The following CMAS variants were observed in gnomAD, a reference collection of about 807,000 sequenced individuals.
CMAS encodes cytidine monophosphate N-acetylneuraminic acid synthetase.
CMAS carries 21 observed loss-of-function variants against 53.4 expected under a neutral mutation model. The ratio of observed to expected loss-of-function variants is 0.39; its 90% CI spans 0.28 to 0.57. The LOEUF is 0.57. Among genes scored for constraint, CMAS ranks in the 20% least tolerant of loss-of-function variants. The probability of loss-of-function intolerance (pLI) is 0.56; values close to 1 mark genes in which losing one functional copy is unlikely to be tolerated. For synonymous variants in CMAS, 189 were observed against 195.2 expected, an observed-to-expected ratio of 0.97 and a Z score of 0.27; for missense variants, 384 against 534.9, an observed-to-expected ratio of 0.72 and a Z score of 2.78.
chr12:22,046,853 C>T (rs1392481287), intron 1 of CMAS, among the ~76,000 whole-genome samples: 1 of 152,198 alleles, frequency 6.6e-6, no homozygotes. Flanking sequence ...CAACCGTCCC[C>T]TCCTCCCGGG....
intron 4 of CMAS, among the ~76,000 whole-genome samples, chr12:22,059,354 C>G (rs958122721): frequency 6.6e-6 from 1 of 151,714 alleles, no homozygotes; most frequent in African/African-American, 2.4e-5. Flanking sequence ...CTGTGTACTT[C>G]GGAGTAGGTG....
intron 1 of CMAS, among the ~76,000 whole-genome samples, chr12:22,053,768 A>G (rs1950250448): frequency 6.7e-6 from 1 of 148,524 alleles, no homozygotes; most frequent in Non-Finnish European, 1.5e-5. Flanking sequence ...AGTCCCAGCT[A>G]CTTGGGAGGC....
At chr12:22,064,627 G>C (rs1185742738) in intron 7 of CMAS, among the ~76,000 whole-genome samples, 1 of 152,052 alleles carries the variant, frequency 6.6e-6, no homozygotes, top group Non-Finnish European at 1.5e-5. Flanking sequence ...ATATTTATCA[G>C]AGATAAATAT....
chr12:22,058,832 ACAAC>A, intron 4 of CMAS, 132 bp downstream of exon 4: 1 of 1,062,200 alleles, frequency 9.4e-7, no homozygotes, highest in Non-Finnish European at 1.3e-6. Context: ...GTAATAGCCA[ACAAC>A]ATTTGCTATC....
At chr12:22,057,888 C>A (rs1033737104) in intron 3 of CMAS, among the ~76,000 whole-genome samples, 2 of 149,858 alleles carry the variant, frequency 1.3e-5, no homozygotes, top group Admixed American at 1.3e-4. Flanking sequence ...AGTACAGTGG[C>A]GCAATCTCGG....
rs1490665406 is a variant in CMAS, at chr12:22,046,289, A to C, written c.-15A>C. On this transcript the variant is annotated 5_prime_UTR_variant, in exon 1 of 8. Coordinates refer to ENST00000229329, the MANE Select transcript of CMAS (RefSeq NM_018686.6). ...CCCGGATGTGGAGAAGCTGGGGAGAAGGCGTGGGAGGAAGATGGACTCGGT... is the reference window on the plus strand; with the variant it reads ...CCCGGATGTGGAGAAGCTGGGGAGACGGCGTGGGAGGAAGATGGACTCGGT... 8 of 1,435,880 alleles carry C rather than the reference A, an allele frequency of 5.6e-6. No homozygotes were observed. The Admixed American group carries it at 2.3e-4, about 41-fold the overall frequency. The allele number at this position is 1,435,880 out of a possible 1,614,324, so 88.9% of individuals were successfully genotyped here. A position where few individuals can be genotyped will look rare whatever the true frequency, so the allele number is the denominator to read the frequency against.
intron 7 of CMAS, chr12:22,063,725 T>A (rs1950324555): frequency 6.9e-6 from 1 of 145,596 alleles, no homozygotes; most frequent in Non-Finnish European, 1.5e-5. Flanking sequence ...TATATGACAT[T>A]AAAAAAAAAA....
chr12:22,059,487 A>G (rs1950293690), intron 4 of CMAS, among the ~76,000 whole-genome samples: 1 of 152,182 alleles, frequency 6.6e-6, no homozygotes, highest in African/African-American at 2.4e-5. Flanking sequence ...GACTCAAGGC[A>G]AAAACAGCTA....
chr12:22,054,348 T>C (rs1411256118), intron 1 of CMAS, among the ~76,000 whole-genome samples: 1 of 152,208 alleles, frequency 6.6e-6, no homozygotes, highest in African/African-American at 2.4e-5. Context: ...TTTTGCCTAC[T>C]CATCATTTTG....
At chr12:22,048,582 C>A (rs1950220824) in intron 1 of CMAS, among the ~76,000 whole-genome samples, 1 of 152,142 alleles carries the variant, frequency 6.6e-6, no homozygotes, top group Non-Finnish European at 1.5e-5. Flanking sequence ...GCCCCTGAAC[C>A]CTCTTTTAGA....
At chr12:22,055,666 T>C in intron 3 of CMAS, 56 bp downstream of exon 3, 2 of 1,470,450 alleles carry the variant, frequency 1.4e-6, no homozygotes, top group Non-Finnish European at 1.9e-6. Context: ...AATTTTTTTG[T>C]ATATAAATAT....
intron 3 of CMAS, among the ~76,000 whole-genome samples, chr12:22,056,722 G>A (rs904166916): frequency 1.3e-5 from 2 of 152,136 alleles, no homozygotes; most frequent in Non-Finnish European, 2.9e-5. Context: ...CGAGCTATAT[G>A]TTTGTGGTTC....
chr12:22,053,742 G>A (rs963378484), intron 1 of CMAS, among the ~76,000 whole-genome samples: 2 of 148,212 alleles, frequency 1.3e-5, no homozygotes, highest in East Asian at 2.1e-4. Flanking sequence ...AGCCGGGCGT[G>A]TTGGCGGGCG....
intron 1 of CMAS, among the ~76,000 whole-genome samples, chr12:22,054,001 A>ACTGCAACCTCTGCCTCC (rs948574495): frequency 2.0e-5 from 3 of 150,876 alleles, no homozygotes; most frequent in African/African-American, 7.3e-5. Flanking sequence ...ATCTCGGCTC[A>ACTGCAACCTCTGCCTCC]CTGCAACCTC....
chr12:22,047,145 A>G (rs1033271938), intron 1 of CMAS, among the ~76,000 whole-genome samples: 4 of 152,194 alleles, frequency 2.6e-5, no homozygotes, highest in African/African-American at 9.7e-5. Flanking sequence ...CCCTACATTT[A>G]TAAATACGTG....
intron 3 of CMAS, among the ~76,000 whole-genome samples, chr12:22,057,513 A>G (rs1265455361): frequency 6.6e-6 from 1 of 152,192 alleles, no homozygotes; most frequent in East Asian, 1.9e-4. Context: ...TTAATGGAGA[A>G]ATCTTTACTT....
chr12:22,046,337 G>T lies in CMAS; in HGVS notation c.34G>T (p.Val12Phe). The T allele has an allele frequency of 6.6e-7, 1 of 1,506,332 alleles. No individual in the cohort carries two copies. Among genetic ancestry groups the T allele is most frequent in the East Asian group, 2.6e-5 (1 of 38,468 alleles). 93.3% of individuals were successfully genotyped at this position (1,506,332 alleles called of 1,614,324 possible). A position where few individuals can be genotyped will look rare whatever the true frequency, so the allele number is the denominator to read the frequency against. ...DSVEKGAATS[V>F]SNPRGRPSRG... ...GGTGGAGAAGGGGGCCGCCACCTCC[G>T]TCTCCAACCCGCGGGGGCGACCGTC... Residue 12 changes from valine to phenylalanine, a missense_variant, in exon 1 of 8, where the codon GTC (valine) becomes TTC (phenylalanine). This residue lies in a region of CMAS where 111 missense variants were observed against 132.2 expected (regional missense o/e 0.84). Coordinates refer to ENST00000229329, the MANE Select transcript of CMAS (RefSeq NM_018686.6).
At chr12:22,059,144 A>G (rs1161182023) in intron 4 of CMAS, among the ~76,000 whole-genome samples, 5 of 121,396 alleles carry the variant, frequency 4.1e-5, no homozygotes, top group African/African-American at 1.5e-4. Flanking sequence ...ATATATATAT[A>G]TATATTTTTT....
rs763730458 is a variant in CMAS at position 22,046,572 on chromosome 12, G to A, written c.260+9G>A. ...TCAGGGGCCTTCCAGAGGTGCGCAT[G>A]TGCGAGAGTGGGCGGCGCGGCCTGG... On this transcript the variant is annotated intron_variant, in intron 1 of 7. Transcript: ENST00000229329. 1.9e-6 allele frequency: 3 copies of A among 1,540,650 alleles called. No homozygotes were observed. Among genetic ancestry groups the A allele is most frequent in the Admixed American group, 2.0e-5 (1 of 50,336 alleles).
Sources: allele counts gnomAD v4.1 joint callset (sites outside exome capture counted in the v4.1 genomes callset), GRCh38; gene constraint gnomAD v4.1.1; regional missense constraint gnomAD v4.1.1; transcripts MANE v1.5; gene names NCBI Gene and HGNC (gene_info 2026-07-23, HGNC 2026-07-21).